CBLB: variants seen among roughly 807,000 people sequenced by gnomAD.
CBLB encodes Cbl proto-oncogene B.
CBLB carries 31 observed loss-of-function variants against 104.9 expected under a neutral mutation model. The observed-to-expected ratio is 0.30, with a 90% CI of 0.22 to 0.40. CBLB has a LOEUF of 0.40. CBLB is among the 10% of genes least tolerant of loss of function. CBLB has a pLI of 1.00. For synonymous variants in CBLB, 440 were observed against 422.6 expected (o/e 1.04, Z -0.51); for missense variants, 1,062 against 1,214.6 (o/e 0.87, Z 1.87).
chr3:105,868,474 C>A, intron 1 of CBLB: 2 of 352,842 alleles, frequency 5.7e-6, no homozygotes, highest in Non-Finnish European at 1.0e-5. Context: ...GCGGGAGGGA[C>A]ACTGTGGGCT....
chr3:105,656,623 C>G lies in CBLB; in HGVS notation c.*2347G>C, dbSNP rs540913624. 2 of 104,814 alleles carry G rather than the reference C, an allele frequency of 1.9e-5. No individual in the cohort carries two copies. Among genetic ancestry groups the G allele is most frequent in the Admixed American group, 2.9e-4 (2 of 6,858 alleles). 6.5% of individuals were successfully genotyped at this position (104,814 alleles called of 1,614,324 possible). A position where few individuals can be genotyped will look rare whatever the true frequency, so the allele number is the denominator to read the frequency against. ...GCAAAACAGATATCCCCCCACCCCC[C>G]ACCCCCAAATTTCAGGTCCAGGTTT... is the stretch of plus-strand genomic sequence containing the variant. On this transcript the variant is annotated 3_prime_UTR_variant, in exon 19 of 19. Transcript: ENST00000394030.
chr3:105,721,220 G>A (rs773067045), intron 9 of CBLB, among the ~76,000 whole-genome samples: 1 of 152,132 alleles, frequency 6.6e-6, no homozygotes, highest in Non-Finnish European at 1.5e-5. Flanking sequence ...CATTTCAGTG[G>A]CAAGACAAGG....
intron 3 of CBLB, among the ~76,000 whole-genome samples, chr3:105,827,124 T>G (rs765266575): frequency 6.6e-6 from 1 of 152,128 alleles, no homozygotes. Context: ...GCTTCACACA[T>G]AGTTTACAAC....
Position 105,670,253 on chromosome 3 carries a change from T to C in CBLB, c.2669A>G (p.Asp890Gly), listed in dbSNP as rs2064924391. The C allele has an allele frequency of 6.2e-7, 1 of 1,613,284 alleles. No homozygotes were observed. ...CTCACCTGAACATGAAGGAAGCTGA[T>C]CATAGTCCTGTGATGTTCTGTTAGT... is the stretch of plus-strand genomic sequence containing the variant. ...VKTNRTSQDY[D>G]QLPSCSDGSQ... The change falls in exon 18 of 19, where the codon GAT becomes GGT. Residue 890 changes from aspartate to glycine, a missense_variant. This residue lies in a region of CBLB where 605 missense variants were observed against 582.6 expected (regional missense o/e 1.04). Transcript: ENST00000394030.
intron 3 of CBLB, among the ~76,000 whole-genome samples, chr3:105,820,719 A>AT (rs904225995): frequency 2.0e-5 from 3 of 152,060 alleles, no homozygotes; most frequent in East Asian, 1.9e-4. Flanking sequence ...ATTCTTCAGA[A>AT]TTTTTTTTAA....
At chr3:105,660,620 C>A (rs1391620077) in intron 18 of CBLB, among the ~76,000 whole-genome samples, 1 of 152,120 alleles carries the variant, frequency 6.6e-6, no homozygotes, top group Non-Finnish European at 1.5e-5. Flanking sequence ...AATTCAAGGA[C>A]AGAGTTAAGT....
intron 3 of CBLB, among the ~76,000 whole-genome samples, chr3:105,830,074 G>C (rs1158176634): frequency 6.6e-6 from 1 of 152,144 alleles, no homozygotes; most frequent in African/African-American, 2.4e-5. Context: ...CAAAGAAGAA[G>C]GAGTGATGCA....
intron 3 of CBLB, among the ~76,000 whole-genome samples, chr3:105,850,855 C>A (rs1031517526): frequency 6.6e-6 from 1 of 152,132 alleles, no homozygotes; most frequent in African/African-American, 2.4e-5. Context: ...TCTCCAATAC[C>A]AAATTCTGGT....
chr3:105,729,334 G>T (rs756621866), intron 9 of CBLB, among the ~76,000 whole-genome samples: 12 of 152,042 alleles, frequency 7.9e-5, no homozygotes, highest in Non-Finnish European at 1.5e-4. Context: ...GCATACTACA[G>T]AACATGGGAT....
In CBLB at chr3:105,702,319, C is replaced by A. The variant is rs1368889155; in HGVS notation, c.1734G>T (p.Val578=). The change falls in exon 12 of 19, where the codon GTG becomes GTT. Residue 578 remains valine, a synonymous_variant. Coordinates refer to ENST00000394030, the MANE Select transcript of CBLB (RefSeq NM_170662.5). ...GCGGGTCTCTGGAAGGCACGCTTTC[C>A]ACATGATGGATGTGTCTACTCAGTC... ...DNRLSRHIHH[V]ESVPSRDPPM... is the part of the protein sequence containing the mutation. 1.2e-6 allele frequency: 2 copies of A among 1,613,852 alleles called. No individual in the cohort carries two copies. The highest frequency in any genetic ancestry group is 3.3e-5 in the Admixed American group (2 of 59,998).
intron 4 of CBLB, among the ~76,000 whole-genome samples, chr3:105,775,807 C>A (rs1168179986): frequency 1.3e-5 from 2 of 152,208 alleles, no homozygotes; most frequent in East Asian, 3.8e-4. Flanking sequence ...TTGCAACAGA[C>A]TACATCTTTG....
At chr3:105,733,962 A>G in intron 9 of CBLB, 47 bp downstream of exon 9, 1 of 1,574,016 alleles carries the variant, frequency 6.4e-7, no homozygotes, top group Non-Finnish European at 8.7e-7. Flanking sequence ...AAAGAGAAAT[A>G]TTAGTAGGAC....
chr3:105,852,208 C>A (rs898376410), intron 3 of CBLB, among the ~76,000 whole-genome samples: 2 of 152,036 alleles, frequency 1.3e-5, no homozygotes, highest in Non-Finnish European at 2.9e-5. Context: ...TAGCTCCATG[C>A]ATGTTATTGC....
At chr3:105,737,391 T>C in intron 7 of CBLB, 133 bp from the exon 8 acceptor site, 5 of 505,774 alleles carry the variant, frequency 9.9e-6, no homozygotes, top group Non-Finnish European at 1.8e-5. Context: ...CAATAACATA[T>C]TACTTCAATG....
chr3:105,857,132 C>T (rs116748927), intron 2 of CBLB, among the ~76,000 whole-genome samples: 21 of 152,160 alleles, frequency 1.4e-4, no homozygotes, highest in Admixed American at 6.5e-4. Context: ...AACTTTTTAA[C>T]TGATACATAC....
intron 11 of CBLB, 27 bp downstream of exon 11, chr3:105,703,961 T>C: frequency 6.3e-7 from 1 of 1,598,540 alleles, no homozygotes; most frequent in Non-Finnish European, 8.6e-7. Flanking sequence ...AAAATTTTCA[T>C]CTGTGTTTCT....
intron 9 of CBLB, among the ~76,000 whole-genome samples, chr3:105,727,477 T>C (rs1005512581): frequency 1.5e-4 from 23 of 152,178 alleles, no homozygotes; most frequent in Admixed American, 1.4e-3. Flanking sequence ...ACTGTAAAAA[T>C]TTTCCCTCAT....
chr3:105,831,454 T>C (rs1042663711), intron 3 of CBLB, among the ~76,000 whole-genome samples: 1 of 152,156 alleles, frequency 6.6e-6, no homozygotes, highest in Admixed American at 6.5e-5. Flanking sequence ...TTCCCTCAAG[T>C]AGAAATGAGA....
chr3:105,776,494 T>G lies in CBLB; in HGVS notation c.468A>C (p.Glu156Asp). The change falls in exon 4 of 19, where the codon GAA (glutamate) becomes GAC (aspartate). Residue 156 changes from glutamate (E) to aspartate (D), a missense_variant. Coordinates refer to ENST00000394030, the MANE Select transcript of CBLB (RefSeq NM_170662.5). ...LSLIFSHMLA[E>D]IKAIFPNGQF... ...GACCATTGGGAAAGATTGCTTTGAT[T>G]TCTGCCAGCATGTGACTGAAGATAA... The G allele has an allele frequency of 1.2e-6, 2 of 1,613,902 alleles. No homozygotes were observed. The highest frequency in any genetic ancestry group is 1.7e-6 in the Non-Finnish European group (2 of 1,179,902).
Sources: gnomAD v4.1 joint callset for allele counts (sites outside exome capture counted in the v4.1 genomes callset) on GRCh38, gnomAD v4.1.1 for gene constraint, gnomAD v4.1.1 regional missense constraint, MANE v1.5 for transcripts, NCBI Gene and HGNC (gene_info 2026-07-23, HGNC 2026-07-21) for gene names.